Variants in RNF13 observed in about 807,000 individuals in gnomAD.
The protein encoded by RNF13 is E3 ubiquitin-protein ligase RNF13.
In RNF13, 19 loss-of-function variants were observed where a neutral mutation model predicts 37.7. The observed-to-expected ratio is 0.50, with a 90% confidence interval of 0.35 to 0.74. RNF13 has a LOEUF of 0.74. Ranked by LOEUF, RNF13 falls within the 30% of genes least tolerant of loss-of-function variation. RNF13 has a pLI of 0.01. For synonymous variants in RNF13, 144 were observed against 157.8 expected (o/e 0.91, Z 0.65); for missense variants, 375 against 453.0 (o/e 0.83, Z 1.56).
chr3:149,945,549 T>C (rs1720686079), intron 8 of RNF13, among the ~76,000 whole-genome samples: 1 of 152,196 alleles, frequency 6.6e-6, no homozygotes, highest in Non-Finnish European at 1.5e-5. Flanking sequence ...TGTCCCTGTC[T>C]GACAGCTTTG....
chr3:149,888,766 A>T (rs1457818676), intron 4 of RNF13, among the ~76,000 whole-genome samples: 1 of 152,214 alleles, frequency 6.6e-6, no homozygotes, highest in Admixed American at 6.5e-5. Flanking sequence ...GCAGGTGTGT[A>T]GCCTGGACAT....
intron 1 of RNF13, among the ~76,000 whole-genome samples, chr3:149,838,648 AAGGCCCT>A (rs1483592248): frequency 6.6e-6 from 1 of 152,216 alleles, no homozygotes; most frequent in Non-Finnish European, 1.5e-5. Context: ...ACAAAGCAGC[AAGGCCCT>A]GGGCCCAGCC....
At chr3:149,841,043 G>A (rs1559899694) in intron 1 of RNF13, among the ~76,000 whole-genome samples, 1 of 152,210 alleles carries the variant, frequency 6.6e-6, no homozygotes, top group Non-Finnish European at 1.5e-5. Context: ...AACAGACACT[G>A]TAGGGAATCA....
intron 1 of RNF13, among the ~76,000 whole-genome samples, chr3:149,820,993 C>T (rs759564475): frequency 4.6e-5 from 7 of 152,172 alleles, no homozygotes; most frequent in Non-Finnish European, 8.8e-5. Context: ...CTTTTCATAG[C>T]AGAAGAATAT....
At chr3:149,918,796 T>C (rs1717817722) in intron 7 of RNF13, among the ~76,000 whole-genome samples, 1 of 151,458 alleles carries the variant, frequency 6.6e-6, no homozygotes. Context: ...CCCAAAGCAC[T>C]GGAATTACAG....
chr3:149,892,481 T>G (rs960152202), intron 4 of RNF13, among the ~76,000 whole-genome samples: 1 of 152,192 alleles, frequency 6.6e-6, no homozygotes, highest in Non-Finnish European at 1.5e-5. Context: ...AAGGACCCCC[T>G]GGAGACCTGT....
Position 149,911,191 on chromosome 3 carries a change from G to A in RNF13, c.501-787G>A, listed in dbSNP as rs565814571. 4.0e-4 allele frequency among the ~76,000 whole-genome samples: 61 copies of A among 152,296 alleles called. 1 individual carries two copies. In the South Asian group the frequency reaches 0.012, roughly 31 times the overall value. The stretch of plus-strand genomic sequence containing the variant: ...ACCTGATACAACAGATACATGTAAA[G>A]CAGATAGGGAGGAAACAGTATAATT... On this transcript the variant is annotated intron_variant, in intron 6 of 9. Coordinates refer to ENST00000392894, the MANE Select transcript of RNF13 (RefSeq NM_183381.3).
rs557315596 is a variant in RNF13, at chr3:149,816,491, T to TA, written c.-17+3139dup. ...ATTTGTGAAGCAATCAGATGGCGTA[T>TA]ATGTTTAGTAAATTATATGCCTTAG... On this transcript the variant is annotated intron_variant, in intron 1 of 9. Coordinates refer to ENST00000392894, the MANE Select transcript of RNF13 (RefSeq NM_183381.3). Among the ~76,000 whole-genome samples the TA allele has an allele frequency of 1.5e-3, 228 of 152,094 alleles. 1 individual carries two copies. Among genetic ancestry groups the TA allele is most frequent in the African/African-American group, 5.2e-3 (214 of 41,500 alleles).
intron 1 of RNF13, among the ~76,000 whole-genome samples, chr3:149,820,496 G>A (rs1719910532): frequency 1.3e-5 from 2 of 152,202 alleles, no homozygotes; most frequent in African/African-American, 4.8e-5. Flanking sequence ...ACTTTATTTA[G>A]ATGTGAAACA....
chr3:149,945,363 G>C (rs993103468), intron 8 of RNF13, among the ~76,000 whole-genome samples: 3 of 152,172 alleles, frequency 2.0e-5, no homozygotes, highest in African/African-American at 7.2e-5. Flanking sequence ...AGCAAGGCTG[G>C]GGGGTGGGGG....
At chr3:149,888,443 G>T (rs565304612) in intron 4 of RNF13, among the ~76,000 whole-genome samples, 1 of 152,192 alleles carries the variant, frequency 6.6e-6, no homozygotes, top group Non-Finnish European at 1.5e-5. Context: ...GAAACACTGG[G>T]CATTTGCAGG....
intron 4 of RNF13, among the ~76,000 whole-genome samples, chr3:149,881,641 C>T (rs1210452004): frequency 6.6e-6 from 1 of 152,116 alleles, no homozygotes; most frequent in Non-Finnish European, 1.5e-5. Context: ...AACATAAGAT[C>T]TTTAATAATT....
intron 8 of RNF13, among the ~76,000 whole-genome samples, chr3:149,926,013 A>G (rs1202079284): frequency 6.6e-6 from 1 of 152,218 alleles, no homozygotes; most frequent in East Asian, 1.9e-4. Context: ...TTCACGAAGT[A>G]CCTTTCATGA....
chr3:149,944,659 G>GT (rs1220197711), intron 8 of RNF13, among the ~76,000 whole-genome samples: 5 of 151,958 alleles, frequency 3.3e-5, no homozygotes, highest in South Asian at 4.2e-4. Flanking sequence ...GGGGTTGTTT[G>GT]TTTTTTTTCT....
chr3:149,859,417 G>A (rs1017661438), intron 3 of RNF13, among the ~76,000 whole-genome samples: 1 of 152,070 alleles, frequency 6.6e-6, no homozygotes, highest in Non-Finnish European at 1.5e-5. Flanking sequence ...AAATGAAGCA[G>A]GAATATAGCA....
intron 2 of RNF13, among the ~76,000 whole-genome samples, chr3:149,848,333 A>C (rs530819358): frequency 6.6e-6 from 1 of 152,290 alleles, no homozygotes; most frequent in East Asian, 1.9e-4. Flanking sequence ...GAGCTGCTTA[A>C]ATCTGGTCTC....
intron 8 of RNF13, among the ~76,000 whole-genome samples, chr3:149,949,718 TTCCTTCATTC>T (rs1387973793): frequency 1.3e-5 from 2 of 151,646 alleles, no homozygotes; most frequent in Non-Finnish European, 2.9e-5. Flanking sequence ...TCTCTTCATT[TTCCTTCATTC>T]TTTTTTTTTT....
At chr3:149,872,339 A>C (rs889464741) in intron 4 of RNF13, among the ~76,000 whole-genome samples, 185 bp downstream of exon 4, 2 of 152,226 alleles carry the variant, frequency 1.3e-5, no homozygotes, top group Admixed American at 6.5e-5. Context: ...TTTGTTGGAC[A>C]TCTTGAACTG....
chr3:149,885,252 A>G (rs1488411915), intron 4 of RNF13, among the ~76,000 whole-genome samples: 1 of 151,964 alleles, frequency 6.6e-6, no homozygotes, highest in Non-Finnish European at 1.5e-5. Flanking sequence ...CCCAGCACTG[A>G]GGTTGCTGGA....
Sources: allele counts gnomAD v4.1 joint callset (sites outside exome capture counted in the v4.1 genomes callset), GRCh38; gene constraint gnomAD v4.1.1; transcripts MANE v1.5; gene names NCBI Gene and HGNC (gene_info 2026-07-23, HGNC 2026-07-21).